Variants in CPVL observed in about 807,000 individuals in gnomAD.
CPVL encodes probable serine carboxypeptidase CPVL.
A neutral mutation model predicts 63.7 loss-of-function variants in CPVL; 51 were observed. That is an observed-to-expected ratio of 0.80 (90% confidence interval 0.64 to 1.01). The LOEUF is 1.01. Among genes scored for constraint, CPVL ranks in the 50% least tolerant of loss-of-function variants. The pLI, the probability that CPVL is intolerant of heterozygous loss-of-function variation, is 0.00. For synonymous variants in CPVL, 195 were observed against 206.0 expected (o/e 0.95, Z 0.46); for missense variants, 530 against 573.1 (o/e 0.92, Z 0.77).
At chr7:29,059,212 T>G (rs917507480) in intron 11 of CPVL, among the ~76,000 whole-genome samples, 1 of 152,164 alleles carries the variant, frequency 6.6e-6, no homozygotes, top group Non-Finnish European at 1.5e-5. Flanking sequence ...ACATTCTTTA[T>G]CTCTGTTACA....
chr7:29,131,658 G>A (rs1273722491), intron 1 of CPVL, among the ~76,000 whole-genome samples: 3 of 152,174 alleles, frequency 2.0e-5, no homozygotes, highest in Non-Finnish European at 4.4e-5. Context: ...GACCACCGGT[G>A]CATGCCACCA....
rs766744353 is a variant in CPVL at position 29,071,796 on chromosome 7, G to A, written c.841C>T (p.Gln281Ter). ...CHECIEHIRK[Q>*]NWFEAFEILD... ...ACTTCAAAGGCCTCAAACCAGTTCT[G>A]CTTCCTGATGTGTTCTATGCATTCA... is the stretch of plus-strand genomic sequence containing the variant. Residue 281 changes from glutamine (Q) to a stop codon, truncating the protein, a stop_gained, in exon 9 of 13, where the codon CAG becomes TAG. Coordinates refer to ENST00000265394, the MANE Select transcript of CPVL (RefSeq NM_031311.5). LOFTEE classifies it high-confidence loss of function. The A allele has an allele frequency of 6.5e-7, 1 of 1,542,482 alleles. No individual in the cohort carries two copies. The highest frequency in any genetic ancestry group is 8.8e-7 in the Non-Finnish European group (1 of 1,137,174).
At position 29,179,714 on chromosome 7, in the gene CPVL, ATACT is replaced by A. The variant is rs763311052; in HGVS notation, c.-11+1572_-11+1575del. 4.7e-4 allele frequency among the ~76,000 whole-genome samples: 72 copies of A among 152,364 alleles called. 1 individual carries two copies. Among genetic ancestry groups the A allele is most frequent in the Admixed American group, 1.7e-3 (26 of 15,304 alleles). On this transcript the variant is annotated intron_variant, in intron 5 of 16. Transcript: ENST00000409850. ...GGTTTTTTATTTCTCAAATTACAAA[ATACT>A]TAATAGCTATTCTATTTTATATCAA...
intron 3 of CPVL, 114 bp downstream of exon 3, chr7:29,112,590 G>GA (rs1196943547): frequency 2.8e-5 from 19 of 670,280 alleles, no homozygotes; most frequent in Middle Eastern, 4.5e-4. Context: ...CTTATTTTTA[G>GA]AAAAAATCTA....
At position 29,121,036 on chromosome 7, in the gene CPVL, A is replaced by G. The variant is rs1286239755; in HGVS notation, c.26T>C (p.Ile9Thr). MVGAMWKV[I>T]VSLVLLMPGP... ...AGGCATCAACAGGACCAGCGAAACA[A>G]TCACCTTCCACATGGCACCAACCAT... Residue 9 changes from isoleucine (I) to threonine (T), a missense_variant, in exon 2 of 13, where the codon ATT (isoleucine) becomes ACT (threonine). Coordinates refer to ENST00000265394, the MANE Select transcript of CPVL (RefSeq NM_031311.5). 1 of 1,607,692 alleles carries G rather than the reference A, an allele frequency of 6.2e-7. No individual in the cohort carries two copies. Among genetic ancestry groups the G allele is most frequent in the African/African-American group, 1.3e-5 (1 of 74,560 alleles).
At chr7:29,061,624 G>A (rs1485236206) in intron 11 of CPVL, among the ~76,000 whole-genome samples, 1 of 152,060 alleles carries the variant, frequency 6.6e-6, no homozygotes, top group Admixed American at 6.6e-5. Flanking sequence ...CCCTCACATG[G>A]CTGAGAAAGG....
chr7:29,047,190 GTTA>G (rs1789707864), intron 11 of CPVL, among the ~76,000 whole-genome samples: 1 of 152,172 alleles, frequency 6.6e-6, no homozygotes, highest in Admixed American at 6.5e-5. Flanking sequence ...ATTAGGTGTT[GTTA>G]GAGCACCCCA....
chr7:29,068,976 C>A (rs1783429189), intron 9 of CPVL, among the ~76,000 whole-genome samples: 1 of 151,638 alleles, frequency 6.6e-6, no homozygotes, highest in Non-Finnish European at 1.5e-5. Context: ...AGCCACTGCG[C>A]CCGGCCGAGG....
At chr7:29,009,996 T>C (rs577154823) in intron 12 of CPVL, 2 of 152,332 alleles carry the variant, frequency 1.3e-5, no homozygotes, top group South Asian at 2.1e-4. Flanking sequence ...TGTTCTCTGC[T>C]GTGCTTTTTT....
intron 12 of CPVL, among the ~76,000 whole-genome samples, chr7:29,024,213 A>T (rs923887087): frequency 1.3e-5 from 2 of 152,182 alleles, no homozygotes; most frequent in African/African-American, 4.8e-5. Context: ...AATATAATCA[A>T]GAGCTTCAAT....
chr7:29,104,581 G>A (rs1177131902), intron 3 of CPVL, among the ~76,000 whole-genome samples: 4 of 151,946 alleles, frequency 2.6e-5, no homozygotes, highest in Non-Finnish European at 5.9e-5. Flanking sequence ...TTTTTGTTTT[G>A]AGGCCTTCTT....
intron 12 of CPVL, among the ~76,000 whole-genome samples, chr7:29,006,275 C>T (rs1429878093): frequency 6.6e-6 from 1 of 152,236 alleles, no homozygotes; most frequent in Non-Finnish European, 1.5e-5. Context: ...TACCCTCAGA[C>T]TCCTGGTTCT....
At chr7:29,107,365 A>G (rs960097756) in intron 3 of CPVL, among the ~76,000 whole-genome samples, 7 of 152,222 alleles carry the variant, frequency 4.6e-5, no homozygotes, top group African/African-American at 1.4e-4. Flanking sequence ...TTCAATCCAC[A>G]TCCTGATTTG....
chr7:29,122,866 G>A (rs1008030239), intron 1 of CPVL, among the ~76,000 whole-genome samples: 1 of 151,940 alleles, frequency 6.6e-6, no homozygotes, highest in Non-Finnish European at 1.5e-5. Flanking sequence ...ACTTTCTTAA[G>A]TTTTACACCT....
chr7:29,001,925 C>T (rs956753905), intron 12 of CPVL, among the ~76,000 whole-genome samples: 2 of 152,088 alleles, frequency 1.3e-5, no homozygotes, highest in Non-Finnish European at 2.9e-5. Context: ...AATCTTATTC[C>T]ACAGAAAACA....
chr7:29,189,334 T>C (rs1203887407), intron 1 of CPVL, among the ~76,000 whole-genome samples: 3 of 152,090 alleles, frequency 2.0e-5, no homozygotes, highest in Non-Finnish European at 4.4e-5. Flanking sequence ...CTGAGTGAAT[T>C]AATGAATGCT....
intron 3 of CPVL, among the ~76,000 whole-genome samples, chr7:29,098,267 A>T (rs959132008): frequency 1.5e-4 from 23 of 152,160 alleles, no homozygotes; most frequent in Admixed American, 4.6e-4. Flanking sequence ...CTGCAGGAAG[A>T]GCTGAGCAGA....
intron 12 of CPVL, among the ~76,000 whole-genome samples, chr7:29,015,812 A>G (rs1403909606): frequency 5.9e-5 from 9 of 152,176 alleles, no homozygotes; most frequent in Non-Finnish European, 1.2e-4. Context: ...TTGAATTTTC[A>G]AATCTCAGAT....
chr7:29,154,431 A>G (rs190201337), intron 5 of CPVL, among the ~76,000 whole-genome samples: 2 of 152,310 alleles, frequency 1.3e-5, no homozygotes, highest in East Asian at 3.9e-4. Context: ...TGCCAAACTC[A>G]GCAGGTGTGA....
Sources: gnomAD v4.1 joint callset for allele counts (sites outside exome capture counted in the v4.1 genomes callset) on GRCh38, gnomAD v4.1.1 for gene constraint, MANE v1.5 for transcripts, NCBI Gene and HGNC (gene_info 2026-07-23, HGNC 2026-07-21) for gene names.